The following GPC3 variants were observed in gnomAD, a reference collection of about 807,000 sequenced individuals.
GPC3 encodes the protein glypican-3.
GPC3 carries 3 observed loss-of-function variants against 34.4 expected under a neutral mutation model. The observed-to-expected ratio is 0.09, with a 90% confidence interval of 0.04 to 0.23. The LOEUF (loss-of-function observed/expected upper bound fraction) is 0.23. Ranked by LOEUF, GPC3 falls within the 10% of genes least tolerant of loss-of-function variation. The pLI is 1.00. For synonymous variants in GPC3, 177 were observed against 174.0 expected, an observed-to-expected ratio of 1.02 and a Z score of -0.13; for missense variants, 351 against 445.6, an observed-to-expected ratio of 0.79 and a Z score of 1.91.
intron 6 of GPC3, among the ~76,000 whole-genome samples, chrX:133,659,030 A>G (rs769254556): frequency 3.4e-4 from 38 of 112,185 alleles, no homozygotes; most frequent in Non-Finnish European, 6.4e-4. Context: ...AAAATCCTAA[A>G]CACAGTCCTC....
At chrX:133,654,172 T>C (rs1320509607) in intron 6 of GPC3, among the ~76,000 whole-genome samples, 1 of 111,457 alleles carries the variant, frequency 9.0e-6, no homozygotes, top group East Asian at 2.8e-4. Flanking sequence ...TATATATATA[T>C]TGAGGGTCTA....
At chrX:133,880,216 C>G (rs2076035803) in intron 2 of GPC3, among the ~76,000 whole-genome samples, 2 of 112,427 alleles carry the variant, frequency 1.8e-5, no homozygotes, top group Admixed American at 9.4e-5. Context: ...AGGAAGCCAG[C>G]AGTGAATGAT....
chrX:133,647,179 G>A (rs1361512313), intron 6 of GPC3, among the ~76,000 whole-genome samples: 1 of 112,130 alleles, frequency 8.9e-6, no homozygotes, highest in Non-Finnish European at 1.9e-5. Flanking sequence ...TATTCACCCT[G>A]TCCACACAGC....
intron 6 of GPC3, among the ~76,000 whole-genome samples, chrX:133,628,111 C>T (rs1008518303): frequency 1.8e-5 from 2 of 111,868 alleles, no homozygotes; most frequent in African/African-American, 6.5e-5. Flanking sequence ...TTCTTTATAA[C>T]CCCTCCATTC....
chrX:133,910,035 A>G (rs1282227292), intron 2 of GPC3, among the ~76,000 whole-genome samples: 1 of 111,419 alleles, frequency 9.0e-6, no homozygotes, highest in East Asian at 2.8e-4. Flanking sequence ...TGTGGGAAAC[A>G]TATGGCTCCT....
At chrX:133,598,119 T>A (rs1251285239) in intron 6 of GPC3, among the ~76,000 whole-genome samples, 1 of 112,281 alleles carries the variant, frequency 8.9e-6, no homozygotes, top group Non-Finnish European at 1.9e-5. Context: ...ATAGCTTCTA[T>A]AAACATAACA....
chrX:133,651,303 C>G (rs1003240856), intron 6 of GPC3, among the ~76,000 whole-genome samples: 1 of 109,915 alleles, frequency 9.1e-6, no homozygotes, highest in Non-Finnish European at 1.9e-5. Flanking sequence ...CCATGTCTCT[C>G]CCTCTCCCAC....
intron 2 of GPC3, among the ~76,000 whole-genome samples, chrX:133,822,505 T>C (rs907605224): frequency 4.5e-5 from 5 of 111,947 alleles, no homozygotes; most frequent in African/African-American, 6.5e-5. Context: ...ATCATTGTAT[T>C]CTATTTTATT....
intron 1 of GPC3, among the ~76,000 whole-genome samples, chrX:133,965,280 A>C (rs372438924): frequency 9.1e-6 from 1 of 110,100 alleles, no homozygotes. Context: ...CAGGCTAGAG[A>C]TCTTCCTCCA....
intron 6 of GPC3, among the ~76,000 whole-genome samples, chrX:133,638,849 A>G (rs1401998691): frequency 1.8e-5 from 2 of 110,802 alleles, no homozygotes; most frequent in African/African-American, 6.6e-5. Context: ...AAAAAATCGC[A>G]AAGAAATCTC....
intron 2 of GPC3, among the ~76,000 whole-genome samples, chrX:133,820,262 G>A (rs1397348332): frequency 8.0e-5 from 9 of 112,076 alleles, no homozygotes; most frequent in Non-Finnish European, 1.7e-4. Context: ...AATGCAAAGG[G>A]CAGCATGAGA....
At chrX:133,608,974 G>A (rs973540139) in intron 6 of GPC3, among the ~76,000 whole-genome samples, 1 of 111,482 alleles carries the variant, frequency 9.0e-6, no homozygotes, top group Non-Finnish European at 1.9e-5. Flanking sequence ...AATCCTAAGG[G>A]GGAAATGGGC....
intron 3 of GPC3, among the ~76,000 whole-genome samples, chrX:133,740,047 C>T (rs1033046261): frequency 1.8e-5 from 2 of 112,099 alleles, no homozygotes; most frequent in African/African-American, 6.5e-5. Flanking sequence ...AAGGTTTGCT[C>T]TTAAAAATCT....
chrX:133,845,346 G>A (rs2075843146), intron 2 of GPC3, among the ~76,000 whole-genome samples: 1 of 111,897 alleles, frequency 8.9e-6, no homozygotes. Flanking sequence ...GCTGAGGACA[G>A]AAAATGGGGG....
chrX:133,729,060 C>CCATA (rs2071439555), intron 3 of GPC3, among the ~76,000 whole-genome samples: 1 of 111,232 alleles, frequency 9.0e-6, no homozygotes, highest in Non-Finnish European at 1.9e-5. Flanking sequence ...TCCAAACCTC[C>CCATA]CATATATGCA....
intron 5 of GPC3, among the ~76,000 whole-genome samples, chrX:133,690,312 G>A (rs2124428892): frequency 9.0e-6 from 1 of 111,663 alleles, no homozygotes; most frequent in South Asian, 3.8e-4. Flanking sequence ...AATATAAATT[G>A]AGCTTCCAGC....
chrX:133,593,330 CAAAAAAAAAA>C (rs756083308), intron 7 of GPC3, among the ~76,000 whole-genome samples: 1 of 9,894 alleles, frequency 1.0e-4, no homozygotes, highest in Non-Finnish European at 2.0e-4. Context: ...GAGACTGTCT[CAAAAAAAAAA>C]AAAAAAAAAA....
At chrX:133,839,553 C>T (rs1037248625) in intron 2 of GPC3, among the ~76,000 whole-genome samples, 1 of 111,102 alleles carries the variant, frequency 9.0e-6, no homozygotes, top group Admixed American at 9.5e-5. Context: ...AATGAGTCAT[C>T]AACACTGATA....
intron 3 of GPC3, among the ~76,000 whole-genome samples, chrX:133,717,107 A>T (rs1490755678): frequency 9.0e-6 from 1 of 110,746 alleles, no homozygotes; most frequent in Non-Finnish European, 1.9e-5. Flanking sequence ...ATTACAAGGC[A>T]CATGCCACCA....
Sources: allele counts gnomAD v4.1 joint callset (sites outside exome capture counted in the v4.1 genomes callset), GRCh38; gene constraint gnomAD v4.1.1; transcripts MANE v1.5; gene names NCBI Gene and HGNC (gene_info 2026-07-23, HGNC 2026-07-21).